MVB12B: variants seen among roughly 807,000 people sequenced by gnomAD.
MVB12B encodes the protein ESCRT-I complex subunit MVB12B.
In MVB12B, 16 loss-of-function variants were observed where a neutral mutation model predicts 41.6. The observed-to-expected ratio is 0.38, with a 90% confidence interval of 0.26 to 0.58. The LOEUF (loss-of-function observed/expected upper bound fraction) is 0.58, where lower values mean the gene tolerates loss of function less well. Among genes scored for constraint, MVB12B ranks in the 20% least tolerant of loss-of-function variants. The pLI is 0.62. For missense variants in MVB12B, 274 were observed against 380.2 expected (o/e 0.72, Z 2.32); for synonymous variants, 133 against 139.7 (o/e 0.95, Z 0.34).
chr9:126,377,083 G>C (rs972081149), intron 2 of MVB12B, among the ~76,000 whole-genome samples: 1 of 151,772 alleles, frequency 6.6e-6, no homozygotes, highest in Admixed American at 6.6e-5. Context: ...CCTCTTGCTC[G>C]TCATTGTGGA....
chr9:126,401,150 GTCTC>G (rs1288782993), intron 6 of MVB12B, among the ~76,000 whole-genome samples: 1 of 152,056 alleles, frequency 6.6e-6, no homozygotes, highest in Non-Finnish European at 1.5e-5. Context: ...CCCTAACACT[GTCTC>G]TCTTGGGGGA....
intron 2 of MVB12B, among the ~76,000 whole-genome samples, chr9:126,370,382 T>C (rs1213812944): frequency 6.7e-6 from 1 of 150,084 alleles, no homozygotes; most frequent in African/African-American, 2.4e-5. Flanking sequence ...AGGGGCTCTT[T>C]TTTTTTTTTT....
intron 7 of MVB12B, among the ~76,000 whole-genome samples, chr9:126,462,648 TCAGCTGCAGAAATTAGAATACCAG>T (rs1240042237): frequency 3.3e-5 from 5 of 152,244 alleles, no homozygotes; most frequent in African/African-American, 9.6e-5. Context: ...TGAAAGTTCA[TCAGCTGCAGAAATTAGAATACCAG>T]CAGGCCCTGT....
chr9:126,461,792 G>T (rs558683159), intron 7 of MVB12B, among the ~76,000 whole-genome samples: 2 of 152,164 alleles, frequency 1.3e-5, no homozygotes, highest in Admixed American at 1.3e-4. Flanking sequence ...GGGCTGGTGG[G>T]TGTCCAAGGC....
chr9:126,485,860 G>T (rs1226287566), intron 9 of MVB12B, among the ~76,000 whole-genome samples: 2 of 152,170 alleles, frequency 1.3e-5, no homozygotes, highest in East Asian at 3.8e-4. Flanking sequence ...ACAGCACGGG[G>T]TGTGTGGCTT....
intron 1 of MVB12B, among the ~76,000 whole-genome samples, chr9:126,329,902 A>G (rs1451335826): frequency 6.6e-6 from 1 of 151,428 alleles, no homozygotes; most frequent in Non-Finnish European, 1.5e-5. Context: ...CACCCTGGCC[A>G]GCATTTCCCC....
chr9:126,463,021 T>TGTCAGTTCGGC (rs1833120730), intron 7 of MVB12B, among the ~76,000 whole-genome samples: 1 of 152,176 alleles, frequency 6.6e-6, no homozygotes, highest in African/African-American at 2.4e-5. Context: ...TCAAAGCGCA[T>TGTCAGTTCGGC]GTCAGTTCGG....
At chr9:126,440,940 G>A (rs1286931893) in intron 7 of MVB12B, among the ~76,000 whole-genome samples, 1 of 152,216 alleles carries the variant, frequency 6.6e-6, no homozygotes, top group Non-Finnish European at 1.5e-5. Context: ...GTGCTGATTA[G>A]CATAATTAAT....
chr9:126,370,982 A>G (rs1340878937), intron 2 of MVB12B, among the ~76,000 whole-genome samples: 1 of 152,130 alleles, frequency 6.6e-6, no homozygotes, highest in African/African-American at 2.4e-5. Flanking sequence ...TTCACATTTC[A>G]TCTTTAATCC....
chr9:126,377,718 G>A (rs1307499279), intron 2 of MVB12B, among the ~76,000 whole-genome samples: 1 of 152,080 alleles, frequency 6.6e-6, no homozygotes, highest in Non-Finnish European at 1.5e-5. Context: ...TCCAGGGTGG[G>A]ATAGCAGCGG....
chr9:126,340,654 C>T lies in MVB12B; in HGVS notation c.204+24C>T, dbSNP rs765481563. The T allele has an allele frequency of 3.1e-6, 5 of 1,610,584 alleles. No homozygotes were observed. The South Asian group carries it at 5.5e-5, about 18-fold the overall frequency. On this transcript the variant is annotated intron_variant, in intron 2 of 9. Coordinates refer to ENST00000361171, the MANE Select transcript of MVB12B (RefSeq NM_033446.3). This position sits in a 1 kb window ranked among gnomAD's most constrained non-coding sequence, Gnocchi z 4.0. Reference sequence around the variant, plus strand: ...TAGTAAGTCAAGATACTAGTTTGTACATTTTGCTCACTGATTCTACAAGTA... The same window carrying T: ...TAGTAAGTCAAGATACTAGTTTGTATATTTTGCTCACTGATTCTACAAGTA...
chr9:126,429,943 C>G (rs1035868719), intron 7 of MVB12B, among the ~76,000 whole-genome samples: 37 of 152,214 alleles, frequency 2.4e-4, no homozygotes, highest in Admixed American at 1.3e-4. Flanking sequence ...AGTTCCCCAG[C>G]AGGTCCTCTG....
At chr9:126,450,162 G>A (rs1436001748) in intron 7 of MVB12B, among the ~76,000 whole-genome samples, 2 of 152,214 alleles carry the variant, frequency 1.3e-5, no homozygotes, top group Non-Finnish European at 2.9e-5. Flanking sequence ...GGGCCCATCA[G>A]GTGATGAGTC....
rs141208204 is a variant in MVB12B at position 126,502,536 on chromosome 9, G to GT, written c.874-640dup. On this transcript the variant is annotated intron_variant, in intron 9 of 9. Transcript: ENST00000361171. Reference sequence around the variant, plus strand: ...CAGCAGGGCTGAGCCGTGGAGGAAGGTCCCCCCACCGGGCAGCTGCCCTGG... The same window carrying GT: ...CAGCAGGGCTGAGCCGTGGAGGAAGGTTCCCCCCACCGGGCAGCTGCCCTGG... Among the ~76,000 whole-genome samples, 580 of 149,656 alleles carry GT rather than the reference G, an allele frequency of 3.9e-3. 8 individuals are homozygous for GT. The East Asian group carries it at 0.04, about 10-fold the overall frequency.
intron 6 of MVB12B, among the ~76,000 whole-genome samples, chr9:126,411,116 T>C (rs1459051462): frequency 1.3e-5 from 2 of 152,184 alleles, no homozygotes; most frequent in Admixed American, 6.5e-5. Context: ...CTTGAACTCC[T>C]GACCTCGTGA....
rs897068520 is a variant in MVB12B at position 126,504,702 on chromosome 9, T to A, written c.*1439T>A. On this transcript the variant is annotated 3_prime_UTR_variant, in exon 10 of 10. Coordinates refer to ENST00000361171, the MANE Select transcript of MVB12B (RefSeq NM_033446.3). ...TCCGTCTCCAGGCCCCAGGCCTCTT[T>A]GTGGACCCATCTTCCTCCTCTGCCA... is the stretch of plus-strand genomic sequence containing the variant. 1 of 152,912 alleles carries A rather than the reference T, an allele frequency of 6.5e-6. No individual in the cohort carries two copies. Among genetic ancestry groups the A allele is most frequent in the Non-Finnish European group, 1.5e-5 (1 of 68,264 alleles). 9.5% of individuals were successfully genotyped at this position (152,912 alleles called of 1,614,324 possible).
At position 126,342,281 on chromosome 9, in the gene MVB12B, A is replaced by C. The variant is rs533131341; in HGVS notation, c.204+1651A>C. On this transcript the variant is annotated intron_variant, in intron 2 of 9. Coordinates refer to ENST00000361171, the MANE Select transcript of MVB12B (RefSeq NM_033446.3). ...CTCTCAGGGAGCTTGAGCCCAAGGC[A>C]GGGGTCTCCCCATCTTCCCATGCCC... Among the ~76,000 whole-genome samples, 7 of 152,304 alleles carry C rather than the reference A, an allele frequency of 4.6e-5. No individual in the cohort carries two copies. The East Asian group carries it at 1.4e-3, about 29-fold the overall frequency.
At chr9:126,360,804 T>C (rs972301169) in intron 2 of MVB12B, among the ~76,000 whole-genome samples, 2 of 152,228 alleles carry the variant, frequency 1.3e-5, no homozygotes, top group Non-Finnish European at 2.9e-5. Context: ...TCGTGATTAA[T>C]TGACCCCTTC....
Position 126,355,746 on chromosome 9 carries a change from G to A in MVB12B, c.204+15116G>A, listed in dbSNP as rs7022052. Among the ~76,000 whole-genome samples the A allele has an allele frequency of 6.5e-3, 988 of 152,274 alleles. 14 individuals carry two copies. The highest frequency in any genetic ancestry group is 0.022 in the African/African-American group (924 of 41,540). The stretch of plus-strand genomic sequence containing the variant: ...CTGTTTCAGTGATTGCAGGTTTATA[G>A]CATCGTTTTTGAAGTTAGCAAATTG... On this transcript the variant is annotated intron_variant, in intron 2 of 9. Transcript: ENST00000361171.
Sources: allele counts gnomAD v4.1 joint callset (sites outside exome capture counted in the v4.1 genomes callset), GRCh38; gene constraint gnomAD v4.1.1; non-coding constraint Gnocchi (gnomAD v3.1); transcripts MANE v1.5; gene names NCBI Gene and HGNC (gene_info 2026-07-23, HGNC 2026-07-21).